The following CDK6 variants were observed in gnomAD, a reference collection of about 807,000 sequenced individuals.
CDK6 encodes cyclin-dependent kinase 6.
CDK6 carries 6 observed loss-of-function variants against 37.1 expected under a neutral mutation model. That is an observed-to-expected ratio of 0.16 (90% CI 0.09 to 0.32). The LOEUF (loss-of-function observed/expected upper bound fraction) is 0.32. CDK6 is among the 10% of genes least tolerant of loss of function. CDK6 has a pLI of 1.00. For synonymous variants in CDK6, 160 were observed against 161.3 expected (o/e 0.99, Z 0.06); for missense variants, 224 against 418.9 (o/e 0.53, Z 4.06).
intron 3 of CDK6, among the ~76,000 whole-genome samples, chr7:92,738,129 G>A (rs1284112007): frequency 6.6e-6 from 1 of 152,068 alleles, no homozygotes; most frequent in Non-Finnish European, 1.5e-5. Flanking sequence ...TATCTCCAGT[G>A]GAAGGAGGAC....
chr7:92,802,203 TC>T (rs1800597933), intron 2 of CDK6, among the ~76,000 whole-genome samples: 1 of 152,034 alleles, frequency 6.6e-6, no homozygotes, highest in African/African-American at 2.4e-5. Flanking sequence ...AGTCTCCACC[TC>T]TGAGTCTCCA....
intron 2 of CDK6, among the ~76,000 whole-genome samples, chr7:92,787,182 T>TCA (rs1800164638): frequency 1.2e-5 from 1 of 83,966 alleles, no homozygotes; most frequent in Non-Finnish European, 2.1e-5. Context: ...TGAGACTCCA[T>TCA]CACAAAAAAA....
chr7:92,648,547 C>A (rs1796500390), intron 5 of CDK6, among the ~76,000 whole-genome samples: 1 of 152,288 alleles, frequency 6.6e-6, no homozygotes, highest in African/African-American at 2.4e-5. Flanking sequence ...AAAGGAATTT[C>A]TTCACATACA....
intron 3 of CDK6, among the ~76,000 whole-genome samples, chr7:92,737,438 C>T (rs977171944): frequency 7.2e-5 from 11 of 152,070 alleles, no homozygotes; most frequent in African/African-American, 2.7e-4. Context: ...GTAAATGACC[C>T]AACTTGCTAA....
chr7:92,676,228 C>A (rs985026630), intron 4 of CDK6, among the ~76,000 whole-genome samples: 1 of 151,804 alleles, frequency 6.6e-6, no homozygotes, highest in Non-Finnish European at 1.5e-5. Flanking sequence ...TTTTGCTCAT[C>A]TTTAAATACT....
chr7:92,740,835 C>A (rs1417035888), intron 3 of CDK6, among the ~76,000 whole-genome samples: 3 of 152,116 alleles, frequency 2.0e-5, no homozygotes, highest in African/African-American at 4.8e-5. Context: ...AGGCCCATAT[C>A]ATCAGAAACC....
At chr7:92,802,804 T>C (rs1800615905) in intron 2 of CDK6, among the ~76,000 whole-genome samples, 1 of 152,240 alleles carries the variant, frequency 6.6e-6, no homozygotes, top group African/African-American at 2.4e-5. Context: ...TGAGGCTGGA[T>C]AACACTGTTA....
chr7:92,794,113 A>C (rs1388207822), intron 2 of CDK6, among the ~76,000 whole-genome samples: 1 of 152,176 alleles, frequency 6.6e-6, no homozygotes, highest in Non-Finnish European at 1.5e-5. Context: ...AAGATAAAGA[A>C]GTGTGTTCTG....
chr7:92,797,392 A>T (rs1800441793), intron 2 of CDK6, among the ~76,000 whole-genome samples: 1 of 152,168 alleles, frequency 6.6e-6, no homozygotes, highest in Non-Finnish European at 1.5e-5. Flanking sequence ...ATGCATTAAC[A>T]TTTTTGTTCA....
chr7:92,795,354 C>T (rs1441832662), intron 2 of CDK6, among the ~76,000 whole-genome samples: 2 of 152,228 alleles, frequency 1.3e-5, no homozygotes, highest in East Asian at 3.9e-4. Flanking sequence ...ACTTGTGATC[C>T]ACAGCCTTCA....
chr7:92,670,365 CTTTG>C, intron 5 of CDK6, among the ~76,000 whole-genome samples: 2 of 152,264 alleles, frequency 1.3e-5, no homozygotes, highest in Middle Eastern at 6.8e-3. Flanking sequence ...ATGCACAAAA[CTTTG>C]TTTGGTTAAA....
chr7:92,676,983 C>A lies in CDK6; in HGVS notation c.538-5448G>T, dbSNP rs1002184785. Among the ~76,000 whole-genome samples, 4 of 150,644 alleles carry A rather than the reference C, an allele frequency of 2.7e-5. No individual in the cohort carries two copies. The South Asian group carries it at 8.3e-4, about 31-fold the overall frequency. On this transcript the variant is annotated intron_variant, in intron 4 of 7. Transcript: ENST00000424848. Reference sequence around the variant, plus strand: ...AAAAAAAAAAAAAAAGAAAGAAAAGCGTTTCCATTACTTTCCAGTTCTCTA... The same window carrying A: ...AAAAAAAAAAAAAAAGAAAGAAAAGAGTTTCCATTACTTTCCAGTTCTCTA...
rs1211837909 is a variant in CDK6, at chr7:92,796,744, G to A, written c.234-21913C>T. On this transcript the variant is annotated intron_variant, in intron 2 of 7. Coordinates refer to ENST00000424848, the MANE Select transcript of CDK6 (RefSeq NM_001145306.2). Reference sequence around the variant, plus strand: ...TTAATCATAGAGGTAAATAAACAGGGCACTTTAAAATATTCCACTTATACC... The same window carrying A: ...TTAATCATAGAGGTAAATAAACAGGACACTTTAAAATATTCCACTTATACC... 2.6e-5 allele frequency among the ~76,000 whole-genome samples: 4 copies of A among 151,918 alleles called. 1 individual carries two copies. Among genetic ancestry groups the A allele is most frequent in the Non-Finnish European group, 5.9e-5 (4 of 67,978 alleles).
chr7:92,668,446 A>C (rs1797006136), intron 5 of CDK6, among the ~76,000 whole-genome samples: 1 of 152,234 alleles, frequency 6.6e-6, no homozygotes. Context: ...CTACGTAAAT[A>C]ATAGTACCAG....
intron 4 of CDK6, among the ~76,000 whole-genome samples, chr7:92,694,395 G>A (rs1797662431): frequency 6.6e-6 from 1 of 152,144 alleles, no homozygotes; most frequent in Admixed American, 6.5e-5. Context: ...ACATTGCACT[G>A]TGTACCAATA....
intron 3 of CDK6, among the ~76,000 whole-genome samples, chr7:92,746,058 C>T (rs996170289): frequency 1.2e-4 from 18 of 152,130 alleles, no homozygotes; most frequent in African/African-American, 4.3e-4. Flanking sequence ...ATGGCTTTCC[C>T]CCAACTCAAC....
intron 3 of CDK6, among the ~76,000 whole-genome samples, chr7:92,753,771 T>A (rs1799246179): frequency 6.6e-6 from 1 of 152,250 alleles, no homozygotes; most frequent in African/African-American, 2.4e-5. Context: ...GAAAGCCGTT[T>A]CTACCTCAGA....
At chr7:92,628,875 A>G (rs1795990268) in intron 5 of CDK6, among the ~76,000 whole-genome samples, 2 of 152,236 alleles carry the variant, frequency 1.3e-5, no homozygotes, top group South Asian at 4.1e-4. Flanking sequence ...GGCAAGCAGG[A>G]TAGGAACTTT....
At position 92,612,097 on chromosome 7, in the gene CDK6, G is replaced by C; in HGVS notation, c.*3043C>G. 4.3e-6 allele frequency: 1 copy of C among 232,964 alleles called. No individual in the cohort carries two copies. The highest frequency in any genetic ancestry group is 5.6e-5 in the Admixed American group (1 of 17,796). 14.4% of individuals were successfully genotyped at this position (232,964 alleles called of 1,614,324 possible). ...TTTCTTATGAAAGCTAAATGGACAA[G>C]TTTCTCTTTTTCTCTTTTTATATGT... On this transcript the variant is annotated 3_prime_UTR_variant, in exon 8 of 8. Coordinates refer to ENST00000424848, the MANE Select transcript of CDK6 (RefSeq NM_001145306.2).
Sources: allele counts gnomAD v4.1 joint callset (sites outside exome capture counted in the v4.1 genomes callset), GRCh38; gene constraint gnomAD v4.1.1; transcripts MANE v1.5; gene names NCBI Gene and HGNC (gene_info 2026-07-23, HGNC 2026-07-21).